RYR2: variants seen among roughly 807,000 people sequenced by gnomAD.
The protein encoded by RYR2 is cardiac muscle ryanodine receptor-calcium release channel.
Under a neutral mutation model 601.1 loss-of-function variants are expected in RYR2, and 227 were observed. That is an observed-to-expected ratio of 0.38 (90% CI 0.34 to 0.42). The LOEUF (loss-of-function observed/expected upper bound fraction) is 0.42. RYR2 is among the 10% of genes least tolerant of loss of function. The pLI, the probability that RYR2 is intolerant of heterozygous loss-of-function variation, is 1.00. For synonymous variants in RYR2, 2,223 were observed against 2,175.1 expected (o/e 1.02, Z -0.61); for missense variants, 4,646 against 6,156.5 (o/e 0.75, Z 8.21).
intron 2 of RYR2, among the ~76,000 whole-genome samples, chr1:237,290,030 C>T (rs1320746086): frequency 6.6e-6 from 1 of 152,144 alleles, no homozygotes; most frequent in South Asian, 2.1e-4. Context: ...GTGGCCTACT[C>T]ATGGTTATTT....
chr1:237,193,261 C>G (rs551575882), intron 1 of RYR2, among the ~76,000 whole-genome samples: 2 of 151,552 alleles, frequency 1.3e-5, no homozygotes, highest in African/African-American at 4.8e-5. Context: ...GTCAGGAGAT[C>G]GAGACTATCG....
chr1:237,496,077 G>A (rs2150444708), intron 19 of RYR2, among the ~76,000 whole-genome samples: 1 of 152,144 alleles, frequency 6.6e-6, no homozygotes, highest in East Asian at 1.9e-4. Flanking sequence ...TATTTAATAT[G>A]TGGCATCTTA....
In RYR2 at chr1:237,635,800, G is replaced by A. The variant is rs74147178; in HGVS notation, c.6792+808G>A. ...TGATTTCATCTCCTACAGCTTTCCC[G>A]CACTCTCTCTTCTTTGCTTCAGCCA... On this transcript the variant is annotated intron_variant, in intron 44 of 104. Coordinates refer to ENST00000366574, the MANE Select transcript of RYR2 (RefSeq NM_001035.3). Among the ~76,000 whole-genome samples, 1,296 of 152,170 alleles carry A rather than the reference G, an allele frequency of 8.5e-3. 12 individuals are homozygous for A. Among genetic ancestry groups the A allele is most frequent in the African/African-American group, 0.028 (1,157 of 41,518 alleles).
At chr1:237,243,346 C>T (rs1055538473) in intron 1 of RYR2, among the ~76,000 whole-genome samples, 4 of 152,166 alleles carry the variant, frequency 2.6e-5, no homozygotes, top group East Asian at 1.9e-4. Context: ...TTGGGGTTCC[C>T]ATGACCCCCT....
chr1:237,584,731 G>T (rs527484612), intron 29 of RYR2, among the ~76,000 whole-genome samples: 138 of 134,584 alleles, frequency 1.0e-3, no homozygotes, highest in African/African-American at 3.7e-3. Context: ...AGTGATCATA[G>T]TTCATTGCAG....
intron 1 of RYR2, among the ~76,000 whole-genome samples, chr1:237,082,552 TATATAA>T (rs1346362092): frequency 0.066 from 8,858 of 134,112 alleles, 454 homozygotes; most frequent in East Asian, 0.18. Flanking sequence ...TATATATATA[TATATAA>T]AATCGGATAT....
chr1:237,598,293 G>A (rs573626904), intron 34 of RYR2, among the ~76,000 whole-genome samples: 17 of 152,130 alleles, frequency 1.1e-4, no homozygotes, highest in Non-Finnish European at 2.1e-4. Context: ...GATTTAAACT[G>A]CACTCTAGAC....
chr1:237,586,419 A>G (rs1264160552), intron 29 of RYR2, among the ~76,000 whole-genome samples: 1 of 152,204 alleles, frequency 6.6e-6, no homozygotes, highest in Non-Finnish European at 1.5e-5. Flanking sequence ...TACAAGATCT[A>G]ACTTTAAAAC....
intron 24 of RYR2, among the ~76,000 whole-genome samples, chr1:237,525,431 G>A (rs1327950425): frequency 6.8e-6 from 1 of 146,532 alleles, no homozygotes; most frequent in African/African-American, 2.4e-5. Flanking sequence ...GAACATGTGA[G>A]TGCAGGTGTT....
chr1:237,561,057 A>G (rs965855618), intron 27 of RYR2, among the ~76,000 whole-genome samples: 2 of 152,178 alleles, frequency 1.3e-5, no homozygotes, highest in East Asian at 3.9e-4. Context: ...ATGGAAAGTT[A>G]TATAGGGAAG....
intron 1 of RYR2, among the ~76,000 whole-genome samples, chr1:237,102,578 C>T (rs187232056): frequency 3.9e-5 from 6 of 152,160 alleles, no homozygotes; most frequent in East Asian, 1.9e-4. Flanking sequence ...TTTGACAGGC[C>T]GGCATGGTGG....
At chr1:237,058,120 AG>A (rs1174452859) in intron 1 of RYR2, among the ~76,000 whole-genome samples, 1 of 152,190 alleles carries the variant, frequency 6.6e-6, no homozygotes, top group Admixed American at 6.5e-5. Context: ...TTTTTCTCAT[AG>A]CTGTTAACTC....
At chr1:237,104,034 G>T (rs16834822) in intron 1 of RYR2, among the ~76,000 whole-genome samples, 7,616 of 151,078 alleles carry the variant, frequency 0.05, 334 homozygotes, top group African/African-American at 0.11. Flanking sequence ...ATATTTAGTT[G>T]CTTGTGGCCA....
Position 237,806,186 on chromosome 1 carries a change from A to T in RYR2, c.14201A>T (p.Tyr4734Phe). 1 of 1,613,590 alleles carries T rather than the reference A, an allele frequency of 6.2e-7. No homozygotes were observed. The highest frequency in any genetic ancestry group is 8.5e-7 in the Non-Finnish European group (1 of 1,179,558). The change falls in exon 99 of 105, where the codon TAT (tyrosine) becomes TTT (phenylalanine). Residue 4734 changes from tyrosine (Y) to phenylalanine (F), a missense_variant. Around this residue, in one of 17 missense-constraint regions of RYR2, gnomAD observed 76 missense variants for 97.4 expected, o/e 0.78. Transcript: ENST00000366574. Reference sequence around the variant, plus strand: ...ATGACTATGTCTGTTCTTGGACACTATAACAACTTTTTTTTTGCCGCTCAC... The same window carrying T: ...ATGACTATGTCTGTTCTTGGACACTTTAACAACTTTTTTTTTGCCGCTCAC... Reference protein sequence around the residue: ...WYMTMSVLGHYNNFFFAAHLL... With the variant: ...WYMTMSVLGHFNNFFFAAHLL...
intron 1 of RYR2, among the ~76,000 whole-genome samples, chr1:237,052,393 G>A (rs1661389440): frequency 1.3e-5 from 2 of 152,128 alleles, no homozygotes; most frequent in Admixed American, 6.5e-5. Context: ...GGTGGTAAAA[G>A]CAGAGATTCT....
At chr1:237,635,772 G>A (rs544525969) in intron 44 of RYR2, among the ~76,000 whole-genome samples, 1 of 152,228 alleles carries the variant, frequency 6.6e-6, no homozygotes, top group South Asian at 2.1e-4. Context: ...CTACATACCA[G>A]CCTGATTTCA....
rs146433014 is a variant in RYR2, at chr1:237,581,510, A to G, written c.3599-8283A>G. On this transcript the variant is annotated intron_variant, in intron 29 of 104. Coordinates refer to ENST00000366574, the MANE Select transcript of RYR2 (RefSeq NM_001035.3). ...AGAGAGGCAGGGAAAACTTTCCATT[A>G]TTGATTTTATCATGCTGCTGTTTTA... Among the ~76,000 whole-genome samples, 581 of 152,220 alleles carry G rather than the reference A, an allele frequency of 3.8e-3. 2 individuals are homozygous for G. Among genetic ancestry groups the G allele is most frequent in the African/African-American group, 0.013 (541 of 41,552 alleles).
intron 100 of RYR2, among the ~76,000 whole-genome samples, chr1:237,815,203 A>C (rs1410527735): frequency 6.6e-6 from 1 of 152,140 alleles, no homozygotes; most frequent in African/African-American, 2.4e-5. Flanking sequence ...TGTCTGAAAG[A>C]AGCACATCTT....
intron 29 of RYR2, among the ~76,000 whole-genome samples, chr1:237,575,685 A>G (rs1418815179): frequency 1.3e-5 from 2 of 152,228 alleles, no homozygotes; most frequent in Non-Finnish European, 2.9e-5. Context: ...CAGGGTAGTT[A>G]TATGAGAAAT....
Sources: allele counts gnomAD v4.1 joint callset (sites outside exome capture counted in the v4.1 genomes callset), GRCh38; gene constraint gnomAD v4.1.1; regional missense constraint gnomAD v4.1.1; transcripts MANE v1.5; gene names NCBI Gene and HGNC (gene_info 2026-07-23, HGNC 2026-07-21).